Variants in NLGN4X observed in about 807,000 individuals in gnomAD.
NLGN4X encodes neuroligin-4, X-linked.
Under a neutral mutation model 40.3 loss-of-function variants are expected in NLGN4X, and 3 were observed. The observed-to-expected ratio is 0.07, with a 90% CI of 0.03 to 0.19. The LOEUF (loss-of-function observed/expected upper bound fraction) is 0.19. NLGN4X is among the 10% of genes least tolerant of loss of function. The pLI is 1.00. For synonymous variants in NLGN4X, 270 were observed against 306.8 expected (o/e 0.88, Z 1.25); for missense variants, 382 against 708.3 (o/e 0.54, Z 5.23).
chrX:6,129,246 T>C (rs1050345888), intron 2 of NLGN4X, among the ~76,000 whole-genome samples: 2 of 112,484 alleles, frequency 1.8e-5, no homozygotes, highest in African/African-American at 3.2e-5. Flanking sequence ...TCAGCTATAC[T>C]TTCTGTGTTG....
At chrX:6,104,078 T>C (rs1331538573) in intron 2 of NLGN4X, among the ~76,000 whole-genome samples, 4 of 105,383 alleles carry the variant, frequency 3.8e-5, no homozygotes, top group Non-Finnish European at 7.9e-5. Flanking sequence ...CTTCTGAATC[T>C]GTTAAATGTT....
intron 5 of NLGN4X, among the ~76,000 whole-genome samples, chrX:5,898,122 TTC>T (rs139411618): frequency 0.32 from 29,393 of 91,142 alleles, 4,829 homozygotes; most frequent in East Asian, 0.63. Context: ...CTTCCCTCTT[TTC>T]TCTCTTTCCT....
At chrX:6,053,862 A>T (rs1171044701) in intron 2 of NLGN4X, among the ~76,000 whole-genome samples, 1 of 112,334 alleles carries the variant, frequency 8.9e-6, no homozygotes, top group Non-Finnish European at 1.9e-5. Context: ...ATCGGGAAAT[A>T]ATCATTGCAG....
At chrX:6,191,491 G>T (rs1000824279) in intron 1 of NLGN4X, among the ~76,000 whole-genome samples, 2 of 111,915 alleles carry the variant, frequency 1.8e-5, no homozygotes, top group African/African-American at 6.5e-5. Flanking sequence ...AAAGCGGATG[G>T]ATCACTTGAG....
intron 3 of NLGN4X, among the ~76,000 whole-genome samples, chrX:5,939,102 G>A (rs1039866841): frequency 2.6e-4 from 29 of 109,878 alleles, no homozygotes; most frequent in Middle Eastern, 4.6e-3. Context: ...CCACCTCTAC[G>A]AATGGGAAAC....
At chrX:6,103,192 C>T (rs1039957131) in intron 2 of NLGN4X, among the ~76,000 whole-genome samples, 6 of 111,816 alleles carry the variant, frequency 5.4e-5, no homozygotes, top group Non-Finnish European at 1.1e-4. Flanking sequence ...ACTGGTGGCA[C>T]TCATAAAGTG....
intron 2 of NLGN4X, among the ~76,000 whole-genome samples, chrX:6,133,884 G>A (rs2039747470): frequency 8.9e-6 from 1 of 111,784 alleles, no homozygotes; most frequent in Non-Finnish European, 1.9e-5. Context: ...AGTACATATT[G>A]TAGACTTTGC....
At chrX:6,108,918 G>T (rs910809935) in intron 2 of NLGN4X, among the ~76,000 whole-genome samples, 4 of 110,986 alleles carry the variant, frequency 3.6e-5, no homozygotes, top group African/African-American at 1.3e-4. Context: ...TAAGCAGCAT[G>T]AGACTAACCT....
chrX:6,193,017 C>T (rs1330656877), intron 1 of NLGN4X, among the ~76,000 whole-genome samples: 1 of 111,760 alleles, frequency 8.9e-6, no homozygotes, highest in Non-Finnish European at 1.9e-5. Flanking sequence ...CAGTGGTTCC[C>T]GAGTCCAACG....
chrX:6,167,088 AAAAG>A (rs1293384530), intron 1 of NLGN4X, among the ~76,000 whole-genome samples: 9 of 106,478 alleles, frequency 8.5e-5, no homozygotes, highest in Admixed American at 3.0e-4. Context: ...AAAAAAAAAA[AAAAG>A]AAAGAATAAA....
intron 1 of NLGN4X, among the ~76,000 whole-genome samples, chrX:6,228,086 G>A (rs958357854): frequency 9.1e-6 from 1 of 110,407 alleles, no homozygotes; most frequent in Non-Finnish European, 1.9e-5. Flanking sequence ...CTGTACTGCA[G>A]ATACATATAT....
intron 2 of NLGN4X, among the ~76,000 whole-genome samples, chrX:6,140,744 A>T (rs867563131): frequency 1.0e-5 from 1 of 97,835 alleles, no homozygotes; most frequent in African/African-American, 3.8e-5. Context: ...TGCCCAGCTA[A>T]TTTTTTTTTT....
At chrX:5,920,257 T>C (rs1298789904) in intron 3 of NLGN4X, among the ~76,000 whole-genome samples, 1 of 112,170 alleles carries the variant, frequency 8.9e-6, no homozygotes, top group African/African-American at 3.2e-5. Context: ...AGCAAGGAAA[T>C]GTGAAAGAAC....
At chrX:5,923,462 A>C (rs760618435) in intron 3 of NLGN4X, among the ~76,000 whole-genome samples, 1 of 112,641 alleles carries the variant, frequency 8.9e-6, no homozygotes, top group Non-Finnish European at 1.9e-5. Context: ...GCTCATAGAG[A>C]CATGCCTGAG....
chrX:5,911,229 G>A (rs1189492721), intron 3 of NLGN4X, among the ~76,000 whole-genome samples: 1 of 111,776 alleles, frequency 8.9e-6, no homozygotes, highest in African/African-American at 3.3e-5. Context: ...TCTTCAGCAC[G>A]TCTTTTCTTC....
At position 6,225,681 on chromosome X, in the gene NLGN4X, CTTTTTTTCTTTTTTTTTTT is replaced by C. The variant is rs1926173467; in HGVS notation, c.-306+2841_-306+2859del. 5.6e-4 allele frequency among the ~76,000 whole-genome samples: 19 copies of C among 33,804 alleles called. No homozygotes were observed. In the South Asian group the frequency reaches 0.011, roughly 19 times the overall value. 29.4% of individuals were successfully genotyped at this position (33,804 alleles called of 115,157 possible). ...CTTTTTCTTTTCCTTTTTTTTCTTTCTTTTTTTCTTTTTTTTTTTTTTTTTTTTTTTTTTTTTTTTGCTT... is the reference window on the plus strand; with the variant it reads ...CTTTTTCTTTTCCTTTTTTTTCTTTCTTTTTTTTTTTTTTTTTTTTTGCTT... On this transcript the variant is annotated intron_variant, in intron 1 of 5. Transcript: ENST00000381095.
At chrX:6,071,997 C>T (rs1038201694) in intron 2 of NLGN4X, among the ~76,000 whole-genome samples, 1 of 110,921 alleles carries the variant, frequency 9.0e-6, no homozygotes, top group Non-Finnish European at 1.9e-5. Context: ...CCATAGGAAC[C>T]ATCCACAGCA....
intron 3 of NLGN4X, among the ~76,000 whole-genome samples, chrX:5,975,735 A>C (rs1264049693): frequency 1.8e-5 from 2 of 111,059 alleles, no homozygotes; most frequent in East Asian, 5.6e-4. Context: ...TTACTAGGGT[A>C]CTGAATAAAC....
In NLGN4X at chrX:6,078,490, C is replaced by T. The variant is rs571197971; in HGVS notation, c.473-49058G>A. ...CTCCTGATGTCTAGCAACTCGCTAC[C>T]GAGTAGGTCAATCACTGCCAGGTTG... On this transcript the variant is annotated intron_variant, in intron 2 of 5. Transcript: ENST00000381095. Among the ~76,000 whole-genome samples, 30 of 111,022 alleles carry T rather than the reference C, an allele frequency of 2.7e-4. 1 individual carries two copies. In the South Asian group the frequency reaches 0.011, roughly 41 times the overall value.
Sources: allele counts gnomAD v4.1 joint callset (sites outside exome capture counted in the v4.1 genomes callset), GRCh38; gene constraint gnomAD v4.1.1; transcripts MANE v1.5; gene names NCBI Gene and HGNC (gene_info 2026-07-23, HGNC 2026-07-21).